The following NXPE2 variants were observed in gnomAD, a reference collection of about 807,000 sequenced individuals.
NXPE2 encodes the protein neurexophilin and PC-esterase domain family member 2.
A neutral mutation model predicts 34.4 loss-of-function variants in NXPE2; 34 were observed. The ratio of observed to expected loss-of-function variants is 0.99; its 90% CI spans 0.75 to 1.31. The LOEUF is 1.31. Among genes scored for constraint, NXPE2 ranks in the 40% most tolerant of loss-of-function variants. The pLI, the probability that NXPE2 is intolerant of heterozygous loss-of-function variation, is 0.00. For missense variants in NXPE2, 649 were observed against 672.5 expected (o/e 0.97, Z 0.39); for synonymous variants, 235 against 231.3 (o/e 1.02, Z -0.15).
chr11:114,724,218 T>C, the NXPE2 span, among the ~76,000 whole-genome samples: 3 of 152,122 alleles, frequency 2.0e-5, no homozygotes, highest in African/African-American at 7.2e-5. Context: ...TGAGACTTAA[T>C]TCCAGGTCTG....
the NXPE2 span, among the ~76,000 whole-genome samples, chr11:114,611,033 T>G: frequency 6.7e-6 from 1 of 148,620 alleles, no homozygotes; most frequent in Admixed American, 6.7e-5. Flanking sequence ...CAACTCTTAC[T>G]CTGTGGATTA....
chr11:114,679,170 AG>A (rs918029879), intron 1 of NXPE2, among the ~76,000 whole-genome samples: 6 of 151,776 alleles, frequency 4.0e-5, no homozygotes, highest in Non-Finnish European at 5.9e-5. Flanking sequence ...TGCCTAAAAA[AG>A]TAAATGGGTG....
chr11:114,690,911 A>AT (rs1171630801), intron 2 of NXPE2, among the ~76,000 whole-genome samples: 2 of 152,034 alleles, frequency 1.3e-5, no homozygotes, highest in Non-Finnish European at 2.9e-5. Flanking sequence ...CCTATAGTCA[A>AT]TTTTTTAATT....
the NXPE2 span, among the ~76,000 whole-genome samples, chr11:114,806,926 A>G: frequency 6.6e-6 from 1 of 152,190 alleles, no homozygotes; most frequent in Non-Finnish European, 1.5e-5. Context: ...AAAAAATGTT[A>G]AGGGCAGCCA....
chr11:114,803,077 C>A, the NXPE2 span, among the ~76,000 whole-genome samples: 4 of 152,142 alleles, frequency 2.6e-5, no homozygotes, highest in African/African-American at 4.8e-5. Flanking sequence ...GTCTACTCAG[C>A]GCTCTCCTGC....
the NXPE2 span, among the ~76,000 whole-genome samples, chr11:114,468,938 C>G: frequency 1.3e-5 from 2 of 151,700 alleles, no homozygotes; most frequent in Non-Finnish European, 1.5e-5. Flanking sequence ...TTACTACTAG[C>G]CTAAATAAAA....
At chr11:114,594,769 C>T in the NXPE2 span, 2 of 1,352,476 alleles carry the variant, frequency 1.5e-6, no homozygotes, top group East Asian at 2.3e-5. Context: ...TGATTAGGAT[C>T]CTACAAGAGA....
chr11:114,662,823 G>A, the NXPE2 span, among the ~76,000 whole-genome samples: 1 of 152,122 alleles, frequency 6.6e-6, no homozygotes, highest in Non-Finnish European at 1.5e-5. Context: ...TGCCTCGAAG[G>A]AAAGGACCCA....
At chr11:114,592,286 G>A in the NXPE2 span, among the ~76,000 whole-genome samples, 1 of 152,110 alleles carries the variant, frequency 6.6e-6, no homozygotes, top group African/African-American at 2.4e-5. Flanking sequence ...ATAGACTTCA[G>A]TGAAAAACTG....
the NXPE2 span, among the ~76,000 whole-genome samples, chr11:114,742,264 AGTT>A: frequency 6.6e-6 from 1 of 152,100 alleles, no homozygotes; most frequent in Non-Finnish European, 1.5e-5. Flanking sequence ...CTCCTGGGCT[AGTT>A]GTTGTTGTTC....
At chr11:114,674,815 G>T (rs1950839750), upstream of NXPE2, among the ~76,000 whole-genome samples, 1 of 151,734 alleles carries the variant, frequency 6.6e-6, no homozygotes, top group Non-Finnish European at 1.5e-5. Context: ...GACCAGCATT[G>T]TCCCGATATC....
At chr11:114,792,105 A>G in the NXPE2 span, among the ~76,000 whole-genome samples, 1 of 152,144 alleles carries the variant, frequency 6.6e-6, no homozygotes, top group African/African-American at 2.4e-5. Flanking sequence ...GAGCAGCTCC[A>G]TATGCAGGTA....
the NXPE2 span, among the ~76,000 whole-genome samples, chr11:114,512,131 A>G: frequency 6.6e-6 from 1 of 152,206 alleles, no homozygotes; most frequent in Non-Finnish European, 1.5e-5. Flanking sequence ...AGTTAGCTCA[A>G]TTTGATGTTT....
At chr11:114,639,679 T>C in the NXPE2 span, among the ~76,000 whole-genome samples, 6 of 141,752 alleles carry the variant, frequency 4.2e-5, no homozygotes, top group Non-Finnish European at 4.5e-5. Context: ...ATATATGTAA[T>C]ATATTGTATC....
At chr11:114,470,284 G>A in the NXPE2 span, among the ~76,000 whole-genome samples, 2 of 152,062 alleles carry the variant, frequency 1.3e-5, no homozygotes, top group South Asian at 4.1e-4. Flanking sequence ...GTTTACTAAA[G>A]TTATTGTTCC....
intron 2 of NXPE2, among the ~76,000 whole-genome samples, chr11:114,683,158 T>A (rs1022964894): frequency 6.6e-6 from 1 of 151,932 alleles, no homozygotes; most frequent in African/African-American, 2.4e-5. Context: ...AGTTTTTGAG[T>A]TTTTTAAAAT....
chr11:114,772,870 T>A, the NXPE2 span, among the ~76,000 whole-genome samples: 1 of 152,186 alleles, frequency 6.6e-6, no homozygotes, highest in East Asian at 1.9e-4. Context: ...CTCAGCATAG[T>A]CTGTCTCTCT....
At chr11:114,488,777 C>T in the NXPE2 span, among the ~76,000 whole-genome samples, 2 of 151,882 alleles carry the variant, frequency 1.3e-5, no homozygotes, top group African/African-American at 4.8e-5. Flanking sequence ...AAATTGACAC[C>T]CTAACATCAC....
chr11:114,712,590 G>A, the NXPE2 span, among the ~76,000 whole-genome samples: 1 of 152,188 alleles, frequency 6.6e-6, no homozygotes, highest in South Asian at 2.1e-4. Flanking sequence ...CCATCAGGAT[G>A]GCCGCTATCA....
Sources: gnomAD v4.1 joint callset for allele counts (sites outside exome capture counted in the v4.1 genomes callset) on GRCh38, gnomAD v4.1.1 for gene constraint, MANE v1.5 for transcripts, NCBI Gene and HGNC (gene_info 2026-07-23, HGNC 2026-07-21) for gene names.